Variants in LRRC37A2 observed in about 807,000 individuals in gnomAD.
The protein encoded by LRRC37A2 is leucine rich repeat containing 37 member A2, also known as leucine-rich repeat-containing protein 37A2.
LRRC37A2 carries 9 observed loss-of-function variants against 68.8 expected under a neutral mutation model. The observed-to-expected ratio is 0.13, with a 90% confidence interval of 0.08 to 0.23. The LOEUF is 0.23. Ranked by LOEUF, LRRC37A2 falls within the 10% of genes least tolerant of loss-of-function variation. The pLI is 1.00. For synonymous variants in LRRC37A2, 63 were observed against 367.6 expected (o/e 0.17, Z 9.48); for missense variants, 168 against 950.4 (o/e 0.18, Z 10.82).
the LRRC37A2 span, among the ~76,000 whole-genome samples, chr17:47,027,404 G>C: frequency 6.6e-6 from 1 of 152,110 alleles, no homozygotes; most frequent in Non-Finnish European, 1.5e-5. Flanking sequence ...TATGGGTAGG[G>C]TTAGGGGCTC....
At chr17:46,929,255 A>G in the LRRC37A2 span, among the ~76,000 whole-genome samples, 2 of 152,164 alleles carry the variant, frequency 1.3e-5, no homozygotes, top group Admixed American at 1.3e-4. Flanking sequence ...TGATAATGGT[A>G]CTTTCCTCAT....
At chr17:47,002,161 A>G in the LRRC37A2 span, among the ~76,000 whole-genome samples, 6 of 152,148 alleles carry the variant, frequency 3.9e-5, no homozygotes, top group African/African-American at 1.2e-4. Context: ...TTTGAGATGT[A>G]TCCATGTTGC....
At chr17:46,965,367 G>A in the LRRC37A2 span, among the ~76,000 whole-genome samples, 1 of 152,210 alleles carries the variant, frequency 6.6e-6, no homozygotes, top group Admixed American at 6.5e-5. Context: ...GAAGTGCTGG[G>A]ACAAGGAGAG....
chr17:46,424,774 C>A, the LRRC37A2 span, among the ~76,000 whole-genome samples: 2 of 111,224 alleles, frequency 1.8e-5, 1 homozygote, highest in African/African-American at 6.0e-5. Flanking sequence ...GTGACATTTT[C>A]TTCCCTGGTT....
chr17:46,770,870 G>A, the LRRC37A2 span, among the ~76,000 whole-genome samples: 1 of 152,218 alleles, frequency 6.6e-6, no homozygotes, highest in Non-Finnish European at 1.5e-5. Flanking sequence ...TTATAGATGT[G>A]GACATTGACG....
At chr17:46,422,338 AGTTT>A in the LRRC37A2 span, 2 of 18,034 alleles carry the variant, frequency 1.1e-4, no homozygotes, top group Admixed American at 4.8e-4. Context: ...GGCTGTGAGT[AGTTT>A]GTTTGAGGAG....
chr17:46,382,212 AGGTTGC>A, the LRRC37A2 span, among the ~76,000 whole-genome samples: 1 of 143,892 alleles, frequency 6.9e-6, no homozygotes, highest in Non-Finnish European at 1.5e-5. Context: ...TGGGAGGCAG[AGGTTGC>A]GGTGAGCGAG....
chr17:46,834,339 G>A, the LRRC37A2 span, among the ~76,000 whole-genome samples: 1 of 152,166 alleles, frequency 6.6e-6, no homozygotes, highest in African/African-American at 2.4e-5. Flanking sequence ...GGGTCTGATC[G>A]CAGGAGGGAG....
At chr17:46,781,802 C>T in the LRRC37A2 span, among the ~76,000 whole-genome samples, 1 of 152,170 alleles carries the variant, frequency 6.6e-6, no homozygotes, top group South Asian at 2.1e-4. Flanking sequence ...CTGTGCAGGA[C>T]GAAATTCCAG....
the LRRC37A2 span, chr17:46,768,254 A>G: frequency 3.7e-6 from 6 of 1,608,308 alleles, no homozygotes; most frequent in Non-Finnish European, 5.1e-6. This position sits in a 1 kb window ranked among gnomAD's most constrained non-coding sequence, Gnocchi z 5.0. Flanking sequence ...AGATGGGCAA[A>G]CAACCCCATT....
chr17:46,598,970 C>T, the LRRC37A2 span, among the ~76,000 whole-genome samples: 1 of 127,782 alleles, frequency 7.8e-6, no homozygotes, highest in Non-Finnish European at 1.6e-5. Context: ...TTAAAAGTAT[C>T]TTCAAATGCA....
chr17:46,923,566 G>A, the LRRC37A2 span: 1 of 1,315,410 alleles, frequency 7.6e-7, no homozygotes, highest in Non-Finnish European at 9.6e-7. Flanking sequence ...TAGACCTCGA[G>A]AGGAGACACG....
chr17:47,026,877 T>A, the LRRC37A2 span, among the ~76,000 whole-genome samples: 2 of 151,888 alleles, frequency 1.3e-5, no homozygotes, highest in African/African-American at 4.8e-5. Context: ...AAAACAGACC[T>A]AAACTAAGAA....
chr17:46,873,846 T>TG, the LRRC37A2 span, among the ~76,000 whole-genome samples: 1 of 151,908 alleles, frequency 6.6e-6, no homozygotes, highest in Non-Finnish European at 1.5e-5. Flanking sequence ...AAAAATTAGC[T>TG]GGCATGGTGG....
At chr17:46,779,232 G>A in the LRRC37A2 span, among the ~76,000 whole-genome samples, 3 of 152,168 alleles carry the variant, frequency 2.0e-5, no homozygotes, top group Non-Finnish European at 2.9e-5. Flanking sequence ...CCCGGCATCC[G>A]GAGCTTCCGC....
At chr17:46,773,681 G>C in the LRRC37A2 span, 56 of 1,600,612 alleles carry the variant, frequency 3.5e-5, no homozygotes, top group Non-Finnish European at 4.1e-5. Flanking sequence ...TGTCGAGGAC[G>C]GGCCCAAAGA....
the LRRC37A2 span, chr17:46,978,963 G>GTCCACCTCC: frequency 6.9e-7 from 1 of 1,452,082 alleles, no homozygotes; most frequent in Non-Finnish European, 9.0e-7. Context: ...CGCCCACGCC[G>GTCCACCTCC]TCCACCTCCT....
chr17:46,896,478 C>G, the LRRC37A2 span, among the ~76,000 whole-genome samples: 1 of 92,808 alleles, frequency 1.1e-5, no homozygotes, highest in Non-Finnish European at 2.1e-5. Context: ...GAAAGAAAGA[C>G]AGACCAAGGC....
the LRRC37A2 span, among the ~76,000 whole-genome samples, chr17:46,949,620 A>G: frequency 6.6e-6 from 1 of 152,228 alleles, no homozygotes; most frequent in South Asian, 2.1e-4. Flanking sequence ...CTGGGAAGAC[A>G]TACATGAGCA....
Sources: gnomAD v4.1 joint callset for allele counts (sites outside exome capture counted in the v4.1 genomes callset) on GRCh38, gnomAD v4.1.1 for gene constraint, Gnocchi (gnomAD v3.1) non-coding constraint, MANE v1.5 for transcripts, NCBI Gene and HGNC (gene_info 2026-07-23, HGNC 2026-07-21) for gene names.